The following VWA3B variants were observed in gnomAD, a reference collection of about 807,000 sequenced individuals.
VWA3B encodes von Willebrand factor A domain-containing protein 3B.
In VWA3B, 138 loss-of-function variants were observed where a neutral mutation model predicts 158.3. That is an observed-to-expected ratio of 0.87 (90% CI 0.76 to 1.00). The LOEUF (loss-of-function observed/expected upper bound fraction) is 1.00, where lower values mean the gene tolerates loss of function less well. VWA3B is among the 50% of genes least tolerant of loss of function. VWA3B has a pLI of 0.00. For missense variants in VWA3B, 1,555 were observed against 1,565.1 expected, an observed-to-expected ratio of 0.99 and a Z score of 0.11; for synonymous variants, 596 against 587.3, an observed-to-expected ratio of 1.01 and a Z score of -0.21.
intron 7 of VWA3B, among the ~76,000 whole-genome samples, chr2:98,146,253 G>T (rs532267004): frequency 2.0e-5 from 3 of 152,060 alleles, no homozygotes; most frequent in South Asian, 4.1e-4. Flanking sequence ...GCTCTTTTCC[G>T]CATAAGTTTC....
intron 9 of VWA3B, among the ~76,000 whole-genome samples, chr2:98,186,367 A>T (rs778149361): frequency 6.6e-6 from 1 of 151,716 alleles, no homozygotes; most frequent in Non-Finnish European, 1.5e-5. Context: ...TCCCCTGTGC[A>T]TGCCGGCCGG....
intron 22 of VWA3B, among the ~76,000 whole-genome samples, chr2:98,275,899 C>T (rs1336399136): frequency 6.6e-6 from 1 of 152,190 alleles, no homozygotes; most frequent in Non-Finnish European, 1.5e-5. Flanking sequence ...AAGACTTTTT[C>T]TTCCAGATCT....
intron 8 of VWA3B, among the ~76,000 whole-genome samples, chr2:98,164,551 G>A (rs1022582324): frequency 2.0e-5 from 3 of 152,174 alleles, no homozygotes; most frequent in Non-Finnish European, 2.9e-5. Context: ...ATTACAGAGC[G>A]ATTAAGTCAT....
chr2:98,308,601 C>A (rs556738266), intron 26 of VWA3B, among the ~76,000 whole-genome samples: 4 of 152,022 alleles, frequency 2.6e-5, no homozygotes, highest in Non-Finnish European at 5.9e-5. Context: ...CCTCCCCTGG[C>A]GTCCCGTTCC....
intron 5 of VWA3B, among the ~76,000 whole-genome samples, chr2:98,123,330 G>A (rs1386028688): frequency 1.3e-5 from 2 of 152,184 alleles, no homozygotes; most frequent in African/African-American, 2.4e-5. Flanking sequence ...CAGGAAAGTG[G>A]GCATTGTCTT....
chr2:98,273,297 T>C (rs1010396261), intron 22 of VWA3B, among the ~76,000 whole-genome samples: 1 of 152,254 alleles, frequency 6.6e-6, no homozygotes, highest in Non-Finnish European at 1.5e-5. Flanking sequence ...GTTTTGTTTG[T>C]TCTCTTTCAT....
At chr2:98,194,123 A>G (rs892764747) in intron 11 of VWA3B, among the ~76,000 whole-genome samples, 1 of 152,206 alleles carries the variant, frequency 6.6e-6, no homozygotes. Flanking sequence ...TACGTGACAT[A>G]TATAATGTAT....
chr2:98,269,023 T>A (rs1574243256), intron 21 of VWA3B, among the ~76,000 whole-genome samples: 1 of 152,296 alleles, frequency 6.6e-6, no homozygotes, highest in East Asian at 1.9e-4. Context: ...TGACCAGGAC[T>A]GGTCAAGAAT....
intron 12 of VWA3B, chr2:98,206,950 T>G (rs1683072628): frequency 4.2e-6 from 2 of 474,536 alleles, no homozygotes; most frequent in Admixed American, 4.7e-5. Context: ...AATGCTGATG[T>G]AAGGTCAGAT....
At chr2:98,315,806 A>G (rs918812665), downstream of VWA3B, among the ~76,000 whole-genome samples, 9 of 152,230 alleles carry the variant, frequency 5.9e-5, no homozygotes, top group African/African-American at 1.9e-4. Flanking sequence ...AACACCTGAA[A>G]ATTCTGAATC....
Position 98,217,846 on chromosome 2 carries a change from C to G in VWA3B, c.1837C>G (p.Pro613Ala). 1 of 1,572,896 alleles carries G rather than the reference C, an allele frequency of 6.4e-7. No individual in the cohort carries two copies. The highest frequency in any genetic ancestry group is 8.6e-7 in the Non-Finnish European group (1 of 1,165,064). Residue 613 changes from proline (P) to alanine (A), a missense_variant and splice_region_variant, in exon 14 of 28, where the codon CCA becomes GCA. Transcript: ENST00000477737. ...YLLTDGRPDQ[P>A]PETVIDQVKR... ...CCATCCCCAAAACTTATCGTTTCAG[C>G]CACCTGAAACAGTTATAGACCAGGT...
At chr2:98,267,745 C>T (rs1221950151) in intron 21 of VWA3B, among the ~76,000 whole-genome samples, 2 of 151,954 alleles carry the variant, frequency 1.3e-5, no homozygotes, top group African/African-American at 4.8e-5. Context: ...ATTAATGGAT[C>T]CAGGAGCTGG....
intron 14 of VWA3B, among the ~76,000 whole-genome samples, chr2:98,221,258 T>G (rs1048715265): frequency 2.0e-5 from 3 of 152,110 alleles, no homozygotes; most frequent in African/African-American, 7.2e-5. Context: ...CTCTCCAACC[T>G]GGGATCTCCA....
At chr2:98,245,103 T>C (rs1487946232) in intron 19 of VWA3B, among the ~76,000 whole-genome samples, 1 of 152,154 alleles carries the variant, frequency 6.6e-6, no homozygotes, top group Non-Finnish European at 1.5e-5. Context: ...AGAATTGAAT[T>C]AAAGTAGGTA....
intron 23 of VWA3B, among the ~76,000 whole-genome samples, chr2:98,292,476 A>G (rs1232514980): frequency 6.6e-6 from 1 of 152,108 alleles, no homozygotes; most frequent in East Asian, 1.9e-4. Flanking sequence ...GTAAATATGG[A>G]TCCCAGCACT....
intron 12 of VWA3B, 140 bp downstream of exon 12, chr2:98,194,632 C>A: frequency 1.0e-6 from 1 of 978,684 alleles, no homozygotes; most frequent in Non-Finnish European, 1.5e-6. Context: ...TTTTGTTTTG[C>A]TTGCAGTGGT....
chr2:98,229,314 G>A (rs1407280694), intron 15 of VWA3B, among the ~76,000 whole-genome samples: 1 of 152,230 alleles, frequency 6.6e-6, no homozygotes, highest in African/African-American at 2.4e-5. Flanking sequence ...CTTCTGCTGT[G>A]GGGGGCACAG....
rs975475782 is a variant in VWA3B at position 98,258,892 on chromosome 2, C to T, written c.2843+2718C>T. Among the ~76,000 whole-genome samples the T allele has an allele frequency of 7.3e-5, 11 of 151,718 alleles. No homozygotes were observed. In the South Asian group the frequency reaches 8.3e-4, roughly 11 times the overall value. On this transcript the variant is annotated intron_variant, in intron 21 of 27. Coordinates refer to ENST00000477737, the MANE Select transcript of VWA3B (RefSeq NM_144992.5). The stretch of plus-strand genomic sequence containing the variant: ...ATTGAATAGCAGTGGTGAAAGGGGA[C>T]GTTCTTGTCTTGTTCCTGATCCCAG...
Position 98,312,351 on chromosome 2 carries a change from G to T in VWA3B, c.*2G>T, listed in dbSNP as rs767221260. The T allele has an allele frequency of 8.7e-6, 14 of 1,604,674 alleles. No homozygotes were observed. The highest frequency in any genetic ancestry group is 5.4e-5 in the African/African-American group (4 of 74,702). On this transcript the variant is annotated 3_prime_UTR_variant, in exon 28 of 28. Transcript: ENST00000477737. ...AGGAGCGTCCCTGAGACACTTTAAG[G>T]CCGTCTGGTGGCAGCTATGTTTAAG... is the stretch of plus-strand genomic sequence containing the variant.
Sources: allele counts gnomAD v4.1 joint callset (sites outside exome capture counted in the v4.1 genomes callset), GRCh38; gene constraint gnomAD v4.1.1; transcripts MANE v1.5; gene names NCBI Gene and HGNC (gene_info 2026-07-23, HGNC 2026-07-21).